The following API5 variants were observed in gnomAD, a reference collection of about 807,000 sequenced individuals.
The protein encoded by API5 is apoptosis inhibitor 5, also known as FIF.
API5 carries 6 observed loss-of-function variants against 71.9 expected under a neutral mutation model. That is an observed-to-expected ratio of 0.08 (90% CI 0.05 to 0.16). The LOEUF (loss-of-function observed/expected upper bound fraction) is 0.16. API5 is among the 10% of genes least tolerant of loss of function. The pLI, the probability that API5 is intolerant of heterozygous loss-of-function variation, is 1.00. For synonymous variants in API5, 189 were observed against 221.3 expected (o/e 0.85, Z 1.30); for missense variants, 332 against 612.8 (o/e 0.54, Z 4.84).
rs1182685695 is a variant in API5, at chr11:43,312,212, G to A, written c.69+16G>A. On this transcript the variant is annotated intron_variant, in intron 1 of 13. Coordinates refer to ENST00000531273, the MANE Select transcript of API5 (RefSeq NM_001142930.2). ...AGTGGGCCAGGTGAGTTGAGTCCCC[G>A]GGCGGCCTGCAGGGCCTGGCGCTCC... is the stretch of plus-strand genomic sequence containing the variant. 2.5e-6 allele frequency: 4 copies of A among 1,612,722 alleles called. No homozygotes were observed. The highest frequency in any genetic ancestry group is 3.4e-6 in the Non-Finnish European group (4 of 1,179,156).
chr11:43,336,753 A>G (rs532805945), intron 13 of API5, among the ~76,000 whole-genome samples: 1 of 152,324 alleles, frequency 6.6e-6, no homozygotes, highest in East Asian at 1.9e-4. Flanking sequence ...TCAAGCCTGT[A>G]ATCCCAGCAC....
chr11:43,314,334 G>A (rs1475761855), intron 1 of API5, among the ~76,000 whole-genome samples: 2 of 152,098 alleles, frequency 1.3e-5, no homozygotes, highest in African/African-American at 2.4e-5. Flanking sequence ...CTTTGAAACC[G>A]TATACATAAT....
intron 11 of API5, among the ~76,000 whole-genome samples, chr11:43,332,784 A>C (rs1855301958): frequency 1.3e-5 from 2 of 151,982 alleles, no homozygotes; most frequent in African/African-American, 4.8e-5. Context: ...TGATAGATAA[A>C]CCTTTATTGG....
chr11:43,332,421 T>C (rs1855287554), intron 11 of API5, among the ~76,000 whole-genome samples: 3 of 152,078 alleles, frequency 2.0e-5, no homozygotes, highest in Admixed American at 1.3e-4. Flanking sequence ...TGGCTATAAA[T>C]GGGGATTCCC....
intron 8 of API5, 124 bp downstream of exon 8, chr11:43,328,002 A>G: frequency 3.8e-6 from 2 of 531,952 alleles, no homozygotes; most frequent in South Asian, 7.5e-5. Flanking sequence ...CCTAATAAGT[A>G]TTGTTAGCTT....
intron 1 of API5, 140 bp downstream of exon 1, chr11:43,312,336 CG>C: frequency 1.1e-6 from 1 of 869,944 alleles, no homozygotes; most frequent in Non-Finnish European, 1.8e-6. Context: ...GCCGTCTCGT[CG>C]GGGTGGGCCT....
At chr11:43,342,209 A>G (rs1855640842) in intron 13 of API5, among the ~76,000 whole-genome samples, 1 of 152,214 alleles carries the variant, frequency 6.6e-6, no homozygotes, top group African/African-American at 2.4e-5. Flanking sequence ...TTAATTAAGC[A>G]ACTACCATGA....
chr11:43,321,056 GTAGT>G (rs1211671950), intron 3 of API5, 142 bp downstream of exon 3: 1 of 683,846 alleles, frequency 1.5e-6, no homozygotes, highest in Non-Finnish European at 2.5e-6. Context: ...CTTTCATTCA[GTAGT>G]TAAAGTGTAA....
At chr11:43,336,094 T>G (rs1855424999) in intron 13 of API5, 100 bp downstream of exon 13, 3 of 1,424,578 alleles carry the variant, frequency 2.1e-6, no homozygotes, top group Non-Finnish European at 1.9e-6. Context: ...CATGGTTCTA[T>G]CCAATGACTT....
At chr11:43,326,790 G>A (rs1855091720) in intron 7 of API5, among the ~76,000 whole-genome samples, 179 bp downstream of exon 7, 1 of 152,186 alleles carries the variant, frequency 6.6e-6, no homozygotes, top group Non-Finnish European at 1.5e-5. Context: ...TTCAATTAAA[G>A]TTTGCTGCAA....
intron 5 of API5, 46 bp downstream of exon 5, chr11:43,322,182 G>C: frequency 6.5e-7 from 1 of 1,534,390 alleles, no homozygotes; most frequent in Non-Finnish European, 8.8e-7. Context: ...AAGCAAAAGA[G>C]CATACTTGAC....
In API5 at chr11:43,326,548, G is replaced by A. The variant is rs1855081430; in HGVS notation, c.792G>A (p.Glu264=). ...HSTRFVTYFC[E]QVLPNLGTLT... is the part of the protein sequence containing the mutation. ...CAAGGTTTGTGACATATTTCTGTGA[G>A]CAGGTTCTCCCTAACCTCGGTACCT... Residue 264 remains glutamate, a synonymous_variant, in exon 7 of 14, where the codon GAG becomes GAA. Coordinates refer to ENST00000531273, the MANE Select transcript of API5 (RefSeq NM_001142930.2). 6.2e-7 allele frequency: 1 copy of A among 1,611,774 alleles called. No homozygotes were observed. The highest frequency in any genetic ancestry group is 8.5e-7 in the Non-Finnish European group (1 of 1,178,762).
chr11:43,339,043 G>A (rs1308587273), intron 13 of API5, among the ~76,000 whole-genome samples: 2 of 152,170 alleles, frequency 1.3e-5, no homozygotes, highest in African/African-American at 4.8e-5. Flanking sequence ...TTTTCTGAAT[G>A]TGTTCACTAG....
intron 13 of API5, among the ~76,000 whole-genome samples, chr11:43,338,784 A>C (rs1004120609): frequency 2.0e-5 from 3 of 152,130 alleles, no homozygotes; most frequent in Non-Finnish European, 2.9e-5. Flanking sequence ...ATTAAAATTG[A>C]AAGAGTGGAT....
chr11:43,312,071 CGGTGGCGCCG>C lies in API5; in HGVS notation c.-55_-46del. The C allele has an allele frequency of 6.3e-7, 1 of 1,591,572 alleles. No individual in the cohort carries two copies. Among genetic ancestry groups the C allele is most frequent in the Non-Finnish European group, 8.6e-7 (1 of 1,163,008 alleles). On this transcript the variant is annotated 5_prime_UTR_variant, in exon 1 of 14. Coordinates refer to ENST00000531273, the MANE Select transcript of API5 (RefSeq NM_001142930.2). ...TGGGTTTGGAGAAGTTCCGAGGCGG[CGGTGGCGCCG>C]GTCAGGACAAGGATAGCGGAACCGG...
intron 1 of API5, among the ~76,000 whole-genome samples, chr11:43,312,677 C>G (rs529154467): frequency 6.6e-6 from 1 of 152,104 alleles, no homozygotes; most frequent in Non-Finnish European, 1.5e-5. Context: ...AAGAGGGACT[C>G]TTTGGTCCAG....
chr11:43,323,314 A>G (rs1854957775), intron 5 of API5, 116 bp from the exon 6 acceptor site: 1 of 959,116 alleles, frequency 1.0e-6, no homozygotes, highest in South Asian at 1.7e-5. Flanking sequence ...GTATTTTGGA[A>G]GCATTAATAA....
At chr11:43,318,592 C>G (rs373732162) in intron 1 of API5, 48 bp from the exon 2 acceptor site, 6 of 1,599,130 alleles carry the variant, frequency 3.8e-6, no homozygotes, top group Non-Finnish European at 5.1e-6. Flanking sequence ...TACTTTGCTT[C>G]CCATCCTTCA....
At chr11:43,318,502 G>A in intron 1 of API5, 138 bp from the exon 2 acceptor site, 1 of 1,540,550 alleles carries the variant, frequency 6.5e-7, no homozygotes, top group South Asian at 1.2e-5. Context: ...AGTTTGAGCA[G>A]TAAACCTCCC....
Sources: gnomAD v4.1 joint callset for allele counts (sites outside exome capture counted in the v4.1 genomes callset) on GRCh38, gnomAD v4.1.1 for gene constraint, MANE v1.5 for transcripts, NCBI Gene and HGNC (gene_info 2026-07-23, HGNC 2026-07-21) for gene names.